Variants in SUPT3H observed in about 807,000 individuals in gnomAD.
The protein encoded by SUPT3H is transcription initiation protein SPT3 homolog.
Under a neutral mutation model 44.3 loss-of-function variants are expected in SUPT3H, and 44 were observed. The ratio of observed to expected loss-of-function variants is 0.99; its 90% CI spans 0.78 to 1.28. SUPT3H has a LOEUF of 1.28. Ranked by LOEUF, SUPT3H falls within the 50% of genes most tolerant of loss-of-function variation. The probability of loss-of-function intolerance (pLI) is 0.00; values close to 1 mark genes in which losing one functional copy is unlikely to be tolerated. For synonymous variants in SUPT3H, 124 were observed against 125.6 expected, an observed-to-expected ratio of 0.99 and a Z score of 0.09; for missense variants, 380 against 387.1, an observed-to-expected ratio of 0.98 and a Z score of 0.15.
At chr6:44,906,459 C>T (rs1582408599) in intron 10 of SUPT3H, among the ~76,000 whole-genome samples, 1 of 152,114 alleles carries the variant, frequency 6.6e-6, no homozygotes, top group Non-Finnish European at 1.5e-5. Context: ...TCTCAGTTTT[C>T]TTACCTATAA....
intron 1 of SUPT3H, among the ~76,000 whole-genome samples, chr6:45,376,476 CTT>C (rs1169026439): frequency 6.6e-6 from 1 of 152,182 alleles, no homozygotes; most frequent in African/African-American, 2.4e-5. Flanking sequence ...CTCAGTGACA[CTT>C]ATCACATTTC....
At chr6:44,849,220 C>CTAATTTTTTTT (rs746924269) in intron 10 of SUPT3H, among the ~76,000 whole-genome samples, 4 of 96,636 alleles carry the variant, frequency 4.1e-5, no homozygotes, top group Non-Finnish European at 3.9e-5. Context: ...CAAATGAATA[C>CTAATTTTTTTT]TTTTTTTTTT....
intron 2 of SUPT3H, among the ~76,000 whole-genome samples, chr6:45,306,618 C>G (rs1236278603): frequency 6.6e-6 from 1 of 152,130 alleles, no homozygotes; most frequent in African/African-American, 2.4e-5. Context: ...CATGAAAAAC[C>G]AAGGAGACAA....
intron 2 of SUPT3H, among the ~76,000 whole-genome samples, chr6:45,134,879 C>A (rs79698463): frequency 0.017 from 2,659 of 152,308 alleles, 50 homozygotes; most frequent in South Asian, 0.084. Context: ...CCACTACGCA[C>A]TGCCTTGGTG....
chr6:45,076,439 T>C (rs1795008419), intron 3 of SUPT3H, among the ~76,000 whole-genome samples: 1 of 151,960 alleles, frequency 6.6e-6, no homozygotes, highest in Non-Finnish European at 1.5e-5. Context: ...CAGGTAATGA[T>C]TACCAGATGG....
At chr6:45,151,719 T>G (rs1253411151) in intron 2 of SUPT3H, among the ~76,000 whole-genome samples, 1 of 152,208 alleles carries the variant, frequency 6.6e-6, no homozygotes, top group African/African-American at 2.4e-5. Flanking sequence ...AAAGTATTTT[T>G]AAAATTAACA....
chr6:45,331,041 G>C (rs571307117), intron 2 of SUPT3H, among the ~76,000 whole-genome samples: 1 of 151,972 alleles, frequency 6.6e-6, no homozygotes, highest in East Asian at 1.9e-4. Context: ...AGAAAGTTTA[G>C]GATTTTCCTA....
At chr6:44,958,976 A>G (rs1775632101) in intron 7 of SUPT3H, among the ~76,000 whole-genome samples, 1 of 139,900 alleles carries the variant, frequency 7.1e-6, no homozygotes, top group South Asian at 2.2e-4. Context: ...CCCGGGTTCT[A>G]GTGACTCTCC....
intron 3 of SUPT3H, among the ~76,000 whole-genome samples, chr6:45,031,857 G>GTGCA (rs2153524250): frequency 6.6e-6 from 1 of 152,290 alleles, no homozygotes; most frequent in South Asian, 2.1e-4. Flanking sequence ...CTAGCTGCAA[G>GTGCA]TGCATGAAAG....
At chr6:45,207,370 GA>G (rs1763361381) in intron 2 of SUPT3H, among the ~76,000 whole-genome samples, 1 of 152,248 alleles carries the variant, frequency 6.6e-6, no homozygotes, top group African/African-American at 2.4e-5. Context: ...GTGATAAAAG[GA>G]AAAAGTCTGA....
chr6:45,310,305 C>T (rs988501930), intron 2 of SUPT3H, among the ~76,000 whole-genome samples: 1 of 152,096 alleles, frequency 6.6e-6, no homozygotes, highest in Non-Finnish European at 1.5e-5. Flanking sequence ...AATTCAGACA[C>T]ACCTAGCCCC....
At chr6:45,204,140 G>T (rs577733987) in intron 2 of SUPT3H, among the ~76,000 whole-genome samples, 1 of 151,806 alleles carries the variant, frequency 6.6e-6, no homozygotes, top group Admixed American at 6.6e-5. Context: ...CCAGCTACTC[G>T]GGAGGCTGAG....
chr6:45,255,265 AT>A (rs1773157590), intron 2 of SUPT3H, among the ~76,000 whole-genome samples: 1 of 152,104 alleles, frequency 6.6e-6, no homozygotes, highest in Non-Finnish European at 1.5e-5. Context: ...ATGGGGGACT[AT>A]GATATTGTCT....
Position 45,258,047 on chromosome 6 carries a change from C to A in SUPT3H, c.101+107154G>T, listed in dbSNP as rs528647847. ...TCCCAGAAAACGTAGCATTCCTAGG[C>A]ATGATGTTAACATCGTTCTTGAATA... On this transcript the variant is annotated intron_variant, in intron 2 of 10. Transcript: ENST00000371459. Among the ~76,000 whole-genome samples the A allele has an allele frequency of 2.6e-5, 4 of 152,284 alleles. No homozygotes were observed. The South Asian group carries it at 8.3e-4, about 32-fold the overall frequency.
intron 3 of SUPT3H, among the ~76,000 whole-genome samples, chr6:45,066,267 C>A (rs1793294335): frequency 6.6e-6 from 1 of 152,044 alleles, no homozygotes; most frequent in Non-Finnish European, 1.5e-5. Context: ...ACAACTCCTT[C>A]ATGCTAAAAA....
chr6:45,116,913 A>G (rs1195645890), intron 2 of SUPT3H, among the ~76,000 whole-genome samples: 1 of 152,076 alleles, frequency 6.6e-6, no homozygotes, highest in Admixed American at 6.6e-5. Flanking sequence ...GACAACCACT[A>G]ATCTACTTGA....
At chr6:44,972,414 C>T (rs942979143) in intron 6 of SUPT3H, among the ~76,000 whole-genome samples, 17 of 152,184 alleles carry the variant, frequency 1.1e-4, no homozygotes, top group East Asian at 5.8e-4. Flanking sequence ...TTGTCAGCTA[C>T]GCCCCTGTGG....
intron 2 of SUPT3H, among the ~76,000 whole-genome samples, chr6:45,357,294 A>C (rs1377112521): frequency 6.6e-6 from 1 of 152,126 alleles, no homozygotes; most frequent in African/African-American, 2.4e-5. Flanking sequence ...GGCGTGAGCC[A>C]CTGTGCCCGG....
intron 2 of SUPT3H, among the ~76,000 whole-genome samples, chr6:45,130,450 C>T (rs1447259301): frequency 6.6e-6 from 1 of 151,744 alleles, no homozygotes; most frequent in Admixed American, 6.6e-5. Context: ...GATTGTTTTC[C>T]TCTTTTCAGT....
Sources: gnomAD v4.1 joint callset for allele counts (sites outside exome capture counted in the v4.1 genomes callset) on GRCh38, gnomAD v4.1.1 for gene constraint, MANE v1.5 for transcripts, NCBI Gene and HGNC (gene_info 2026-07-23, HGNC 2026-07-21) for gene names.